DCLK1: variants seen among roughly 807,000 people sequenced by gnomAD.
The protein encoded by DCLK1 is serine/threonine-protein kinase DCLK1.
Under a neutral mutation model 86.2 loss-of-function variants are expected in DCLK1, and 16 were observed. The ratio of observed to expected loss-of-function variants is 0.19; its 90% CI spans 0.13 to 0.28. The LOEUF (loss-of-function observed/expected upper bound fraction) is 0.28, where lower values mean the gene tolerates loss of function less well. DCLK1 is among the 10% of genes least tolerant of loss of function. The probability of loss-of-function intolerance (pLI) is 1.00; values close to 1 mark genes in which losing one functional copy is unlikely to be tolerated. For missense variants in DCLK1, 590 were observed against 940.2 expected, an observed-to-expected ratio of 0.63 and a Z score of 4.87; for synonymous variants, 369 against 370.5, an observed-to-expected ratio of 1.00 and a Z score of 0.05.
At chr13:36,030,150 C>T (rs1211283162) in intron 3 of DCLK1, among the ~76,000 whole-genome samples, 1 of 152,192 alleles carries the variant, frequency 6.6e-6, no homozygotes, top group African/African-American at 2.4e-5. Flanking sequence ...CAGTGTTAAA[C>T]AATCACCAGA....
At chr13:36,092,101 T>C (rs962393772) in intron 3 of DCLK1, among the ~76,000 whole-genome samples, 2 of 152,228 alleles carry the variant, frequency 1.3e-5, no homozygotes, top group Admixed American at 6.5e-5. Context: ...CCTTATTTTA[T>C]TTCATTACTT....
intron 3 of DCLK1, among the ~76,000 whole-genome samples, chr13:36,006,459 C>T (rs184000443): frequency 4.4e-4 from 67 of 152,324 alleles, no homozygotes; most frequent in Non-Finnish European, 7.1e-4. Context: ...ATGACATTGC[C>T]AAATTTGTAT....
chr13:35,969,845 G>T (rs537731922), intron 3 of DCLK1, among the ~76,000 whole-genome samples: 2 of 152,232 alleles, frequency 1.3e-5, no homozygotes, highest in East Asian at 3.9e-4. Flanking sequence ...ATGTGATTAG[G>T]CATGACAGTG....
intron 4 of DCLK1, among the ~76,000 whole-genome samples, chr13:35,877,250 G>A (rs185035246): frequency 3.9e-5 from 6 of 152,322 alleles, no homozygotes; most frequent in Admixed American, 3.3e-4. Context: ...TGATGTATAA[G>A]GAGGAGGTGG....
intron 13 of DCLK1, 34 bp from the exon 14 acceptor site, chr13:35,808,354 AC>A (rs1213443776): frequency 6.4e-7 from 1 of 1,560,224 alleles, no homozygotes; most frequent in East Asian, 2.2e-5. Flanking sequence ...GAAAAACAGC[AC>A]TAAGATATCA....
At chr13:35,931,318 A>G (rs1876418422) in intron 4 of DCLK1, among the ~76,000 whole-genome samples, 1 of 152,172 alleles carries the variant, frequency 6.6e-6, no homozygotes, top group African/African-American at 2.4e-5. Flanking sequence ...ATTAATGACT[A>G]AAATTAATAA....
intron 4 of DCLK1, among the ~76,000 whole-genome samples, chr13:35,916,471 A>C (rs1259060882): frequency 1.3e-5 from 2 of 152,010 alleles, no homozygotes; most frequent in East Asian, 3.9e-4. Context: ...TCCTTCCCCC[A>C]TGTAAGAAGC....
chr13:35,937,383 C>T (rs1876822998), intron 4 of DCLK1, among the ~76,000 whole-genome samples: 1 of 152,094 alleles, frequency 6.6e-6, no homozygotes, highest in African/African-American at 2.4e-5. Context: ...TCATCCTGCC[C>T]CACCCACCTC....
chr13:35,852,819 G>A (rs532186349), intron 6 of DCLK1, among the ~76,000 whole-genome samples: 1 of 152,180 alleles, frequency 6.6e-6, no homozygotes, highest in Non-Finnish European at 1.5e-5. Context: ...AGCAAGGAGA[G>A]GAGCTCCCAT....
chr13:35,814,955 T>A (rs1363831116), intron 11 of DCLK1, among the ~76,000 whole-genome samples: 1 of 152,218 alleles, frequency 6.6e-6, no homozygotes, highest in African/African-American at 2.4e-5. Context: ...GTTTATTATA[T>A]GGCTATAAAG....
intron 4 of DCLK1, among the ~76,000 whole-genome samples, chr13:35,904,870 T>C (rs1486349045): frequency 1.3e-5 from 2 of 152,350 alleles, no homozygotes; most frequent in East Asian, 3.9e-4. Context: ...TTCTGAAATC[T>C]AGTCACCTTT....
At position 35,854,436 on chromosome 13, in the gene DCLK1, C is replaced by A. The variant is rs943467026; in HGVS notation, c.1035+63G>T. On this transcript the variant is annotated intron_variant, in intron 6 of 16. Transcript: ENST00000360631. Reference sequence around the variant, plus strand: ...AGACGAGCAGCACGATTTGCTGGCACCTGTACCTGTCTGCACCAAGGCTGA... The same window carrying A: ...AGACGAGCAGCACGATTTGCTGGCAACTGTACCTGTCTGCACCAAGGCTGA... 4.4e-6 allele frequency: 6 copies of A among 1,361,628 alleles called. No homozygotes were observed. In the Admixed American group the frequency reaches 9.2e-5, roughly 21 times the overall value. The allele number at this position is 1,361,628 out of a possible 1,614,324, so 84.3% of individuals were successfully genotyped here.
chr13:35,988,898 G>A lies in DCLK1; in HGVS notation c.724-41441C>T, dbSNP rs565479787. Among the ~76,000 whole-genome samples, 20 of 152,148 alleles carry A rather than the reference G, an allele frequency of 1.3e-4. No homozygotes were observed. In the South Asian group the frequency reaches 3.3e-3, roughly 25 times the overall value. On this transcript the variant is annotated intron_variant, in intron 3 of 16. Transcript: ENST00000360631. Reference sequence around the variant, plus strand: ...CGTTTCAGGAGACCTGAATCTTTGCGGCCGCCCAAAACAACTCACAGGGTA... The same window carrying A: ...CGTTTCAGGAGACCTGAATCTTTGCAGCCGCCCAAAACAACTCACAGGGTA...
intron 3 of DCLK1, among the ~76,000 whole-genome samples, chr13:35,980,793 C>A (rs1159644993): frequency 6.6e-6 from 1 of 152,162 alleles, no homozygotes; most frequent in Non-Finnish European, 1.5e-5. Flanking sequence ...TCACCTCTTG[C>A]TGTGCAGCCC....
chr13:35,884,373 C>G (rs1873100926), intron 4 of DCLK1, among the ~76,000 whole-genome samples: 1 of 152,108 alleles, frequency 6.6e-6, no homozygotes, highest in Non-Finnish European at 1.5e-5. Context: ...GAAAGTGGAA[C>G]AAGAGTTCAT....
chr13:35,944,454 T>G (rs751826726), intron 4 of DCLK1, among the ~76,000 whole-genome samples: 1 of 152,134 alleles, frequency 6.6e-6, no homozygotes, highest in South Asian at 2.1e-4. Context: ...CAAGTACAGA[T>G]AAGCTGGGCT....
Position 35,971,028 on chromosome 13 carries a change from T to C in DCLK1, c.724-23571A>G, listed in dbSNP as rs1225836420. Among the ~76,000 whole-genome samples, 3 of 152,270 alleles carry C rather than the reference T, an allele frequency of 2.0e-5. No homozygotes were observed. In the East Asian group the frequency reaches 5.8e-4, roughly 29 times the overall value. On this transcript the variant is annotated intron_variant, in intron 3 of 16. Transcript: ENST00000360631. ...AAGCTACAAATTTGTTAGGGTAACA[T>C]ACTTGACAGGCAAGAGCAGATGCCC...
At chr13:35,925,183 G>A (rs543328848) in intron 4 of DCLK1, among the ~76,000 whole-genome samples, 34 of 152,178 alleles carry the variant, frequency 2.2e-4, no homozygotes, top group Non-Finnish European at 4.6e-4. Flanking sequence ...TTGGCCTGTC[G>A]TCTTTGGAAA....
At chr13:36,100,067 G>A (rs1038643022) in intron 3 of DCLK1, among the ~76,000 whole-genome samples, 1 of 151,572 alleles carries the variant, frequency 6.6e-6, no homozygotes, top group Non-Finnish European at 1.5e-5. Context: ...GATTGGCCGG[G>A]CATGGTGGCT....
Sources: gnomAD v4.1 joint callset for allele counts (sites outside exome capture counted in the v4.1 genomes callset) on GRCh38, gnomAD v4.1.1 for gene constraint, MANE v1.5 for transcripts, NCBI Gene and HGNC (gene_info 2026-07-23, HGNC 2026-07-21) for gene names.